SLC4A4: variants seen among roughly 807,000 people sequenced by gnomAD.
SLC4A4 encodes solute carrier family 4 member 4.
Under a neutral mutation model 111.5 loss-of-function variants are expected in SLC4A4, and 27 were observed. That is an observed-to-expected ratio of 0.24 (90% CI 0.18 to 0.33). SLC4A4 has a LOEUF of 0.33. SLC4A4 is among the 10% of genes least tolerant of loss of function. The pLI, the probability that SLC4A4 is intolerant of heterozygous loss-of-function variation, is 1.00. For synonymous variants in SLC4A4, 443 were observed against 463.4 expected, an observed-to-expected ratio of 0.96 and a Z score of 0.57; for missense variants, 909 against 1,315.5, an observed-to-expected ratio of 0.69 and a Z score of 4.78.
intron 21 of SLC4A4, among the ~76,000 whole-genome samples, chr4:71,557,110 A>T (rs1229648421): frequency 6.6e-6 from 1 of 151,962 alleles, no homozygotes; most frequent in African/African-American, 2.4e-5. Flanking sequence ...AACTCACTGT[A>T]GTATTCATAT....
At chr4:71,063,840 T>G (rs1741448219) in intron 1 of SLC4A4, among the ~76,000 whole-genome samples, 1 of 152,196 alleles carries the variant, frequency 6.6e-6, no homozygotes, top group South Asian at 2.1e-4. Flanking sequence ...AAATCAGTGA[T>G]GTATTATATA....
intron 15 of SLC4A4, among the ~76,000 whole-genome samples, chr4:71,496,752 A>T (rs1360834257): frequency 6.6e-6 from 1 of 151,978 alleles, no homozygotes; most frequent in Non-Finnish European, 1.5e-5. Flanking sequence ...CACAGCACTG[A>T]CCCCACAACA....
At chr4:71,355,615 C>A (rs1324763564) in intron 5 of SLC4A4, among the ~76,000 whole-genome samples, 1 of 152,190 alleles carries the variant, frequency 6.6e-6, no homozygotes, top group Non-Finnish European at 1.5e-5. Flanking sequence ...ATGGAAAATC[C>A]TGGATTCAGC....
chr4:71,447,589 T>G, intron 8 of SLC4A4, 57 bp from the exon 9 acceptor site: 1 of 1,036,236 alleles, frequency 9.7e-7, no homozygotes, highest in African/African-American at 1.6e-5. Context: ...CAGTTTTATG[T>G]ATGTTGAGTT....
chr4:71,168,915 G>T (rs552119214), intron 2 of SLC4A4, among the ~76,000 whole-genome samples: 12 of 152,278 alleles, frequency 7.9e-5, no homozygotes, highest in African/African-American at 2.9e-4. Context: ...CAATAAACAT[G>T]GGCATGCAGA....
chr4:71,419,793 AT>A (rs1722231200), intron 7 of SLC4A4, among the ~76,000 whole-genome samples: 1 of 152,166 alleles, frequency 6.6e-6, no homozygotes, highest in African/African-American at 2.4e-5. Flanking sequence ...TGCGTCACTC[AT>A]GCTGGGAGCT....
intron 16 of SLC4A4, among the ~76,000 whole-genome samples, chr4:71,516,644 G>A (rs10031713): frequency 0.41 from 61,851 of 151,866 alleles, 15,117 homozygotes; most frequent in African/African-American, 0.64. Context: ...GATTGCAGCC[G>A]ACTGTGTAAG....
chr4:71,106,925 A>AAAATAAAT (rs759756657), intron 2 of SLC4A4, among the ~76,000 whole-genome samples: 3 of 150,894 alleles, frequency 2.0e-5, no homozygotes, highest in African/African-American at 7.3e-5. Context: ...AAGTATAATA[A>AAAATAAAT]AAATAAATAA....
intron 1 of SLC4A4, among the ~76,000 whole-genome samples, chr4:71,196,990 G>A (rs758891961): frequency 5.3e-5 from 8 of 151,814 alleles, no homozygotes; most frequent in Non-Finnish European, 1.2e-4. Context: ...CGAGGTGGGC[G>A]GATTGTTTGA....
intron 14 of SLC4A4, among the ~76,000 whole-genome samples, chr4:71,477,175 CTTTG>C (rs899521901): frequency 3.2e-4 from 49 of 151,722 alleles, no homozygotes; most frequent in Non-Finnish European, 2.5e-4. Context: ...TACTTAATCT[CTTTG>C]TTTGATAAAC....
At chr4:71,317,223 T>G (rs570114450) in intron 3 of SLC4A4, among the ~76,000 whole-genome samples, 1 of 152,052 alleles carries the variant, frequency 6.6e-6, no homozygotes, top group Non-Finnish European at 1.5e-5. Flanking sequence ...TTTTGAAAGT[T>G]GCTTGACAAG....
intron 2 of SLC4A4, among the ~76,000 whole-genome samples, chr4:71,145,581 T>C (rs1744140913): frequency 8.6e-6 from 1 of 115,836 alleles, no homozygotes; most frequent in Non-Finnish European, 1.9e-5. Context: ...TGGTCCTGGA[T>C]TTTTTTTAGT....
intron 15 of SLC4A4, among the ~76,000 whole-genome samples, chr4:71,489,395 A>G (rs1438270701): frequency 3.3e-5 from 5 of 151,910 alleles, no homozygotes; most frequent in South Asian, 4.1e-4. Flanking sequence ...GCAGGGCTCC[A>G]TGACTTAATA....
intron 2 of SLC4A4, among the ~76,000 whole-genome samples, chr4:71,251,324 G>T (rs1187882174): frequency 6.6e-6 from 1 of 152,150 alleles, no homozygotes; most frequent in African/African-American, 2.4e-5. Flanking sequence ...ATGAAGTTAG[G>T]TTAGAAATAT....
chr4:71,079,983 C>G (rs1375746058), intron 1 of SLC4A4, among the ~76,000 whole-genome samples: 1 of 152,100 alleles, frequency 6.6e-6, no homozygotes, highest in African/African-American at 2.4e-5. Flanking sequence ...AGTTCTCCTG[C>G]CCGTGTGCTG....
intron 7 of SLC4A4, among the ~76,000 whole-genome samples, chr4:71,424,735 G>A (rs374333700): frequency 1.8e-4 from 27 of 152,004 alleles, no homozygotes; most frequent in Middle Eastern, 3.4e-3. Context: ...GTAAACTATC[G>A]CAAGAACAAA....
chr4:71,151,322 G>A (rs759934223), intron 2 of SLC4A4, among the ~76,000 whole-genome samples: 3 of 152,010 alleles, frequency 2.0e-5, no homozygotes, highest in Non-Finnish European at 2.9e-5. Flanking sequence ...CTATATCAAC[G>A]GTAGGTTTTG....
chr4:71,134,664 T>C (rs1185665130), intron 2 of SLC4A4, among the ~76,000 whole-genome samples: 2 of 152,216 alleles, frequency 1.3e-5, no homozygotes, highest in Non-Finnish European at 2.9e-5. Context: ...AGGGATTCCC[T>C]CCTCTGTTGC....
chr4:71,486,461 T>C (rs1300319890), intron 14 of SLC4A4, among the ~76,000 whole-genome samples: 30 of 151,514 alleles, frequency 2.0e-4, no homozygotes. Context: ...TGTCTCTTGT[T>C]TTCACACATT....
Sources: allele counts gnomAD v4.1 joint callset (sites outside exome capture counted in the v4.1 genomes callset), GRCh38; gene constraint gnomAD v4.1.1; transcripts MANE v1.5; gene names NCBI Gene and HGNC (gene_info 2026-07-23, HGNC 2026-07-21).